Variants in ABCC8 observed in about 807,000 individuals in gnomAD.
ABCC8 encodes ATP binding cassette subfamily C member 8, also known as ATP-binding cassette sub-family C member 8.
A neutral mutation model predicts 188.0 loss-of-function variants in ABCC8; 137 were observed. The ratio of observed to expected loss-of-function variants is 0.73; its 90% CI spans 0.63 to 0.84. The LOEUF is 0.84. ABCC8 is among the 40% of genes least tolerant of loss of function. The pLI is 0.00. For synonymous variants in ABCC8, 797 were observed against 846.5 expected, an observed-to-expected ratio of 0.94 and a Z score of 1.01; for missense variants, 1,750 against 2,072.7, an observed-to-expected ratio of 0.84 and a Z score of 3.02.
Position 17,427,935 on chromosome 11 carries a change from C to G in ABCC8, c.2048G>C (p.Gly683Ala). ...ATCTGGGGTCCACGTGAAGTAGCCT[C>G]CCATGATCTTCATTAGGCGTGTCCC... ...DADNCCVQIM[G>A]GYFTWTPDGI... The change falls in exon 15 of 39, where the codon GGA becomes GCA. Residue 683 changes from glycine to alanine, a missense_variant. Physicochemically the swap from Gly to Ala is moderately conservative, Grantham distance 60. Transcript: ENST00000389817. The surrounding 1 kb of genome is among the most constrained non-coding windows in gnomAD (Gnocchi z 5.0). 1.2e-6 allele frequency: 2 copies of G among 1,613,816 alleles called. No homozygotes were observed. The highest frequency in any genetic ancestry group is 1.7e-6 in the Non-Finnish European group (2 of 1,179,876).
rs11024282 is a variant in ABCC8, at chr11:17,420,752, C to A, written c.2223-3790G>T. Among the ~76,000 whole-genome samples, 144 of 152,258 alleles carry A rather than the reference C, an allele frequency of 9.5e-4. 1 individual carries two copies. Among genetic ancestry groups the A allele is most frequent in the Middle Eastern group, 3.4e-3 (1 of 294 alleles). On this transcript the variant is annotated intron_variant, in intron 16 of 38. Coordinates refer to ENST00000389817, the MANE Select transcript of ABCC8 (RefSeq NM_000352.6). ...TCCTCAGGGCCCTGGTTCCTGCTGACCCCCCGGGGGCATTTAAAGTCACTC... is the reference window on the plus strand; with the variant it reads ...TCCTCAGGGCCCTGGTTCCTGCTGAACCCCCGGGGGCATTTAAAGTCACTC...
At position 17,415,806 on chromosome 11, in the gene ABCC8, G is replaced by C. The variant is rs141212913; in HGVS notation, c.2256-467C>G. ...CTGACACCAGCACCTGCACTCTGGG[G>C]CTGGGAACCCGCAGCCCTGGAGCTG... On this transcript the variant is annotated intron_variant, in intron 17 of 38. Coordinates refer to ENST00000389817, the MANE Select transcript of ABCC8 (RefSeq NM_000352.6). Among the ~76,000 whole-genome samples the C allele has an allele frequency of 3.5e-4, 54 of 152,326 alleles. 1 individual carries two copies. In the East Asian group the frequency reaches 0.01, roughly 28 times the overall value.
chr11:17,432,129 A>C (rs892621590), intron 11 of ABCC8, 75 bp downstream of exon 11: 12 of 1,541,888 alleles, frequency 7.8e-6, no homozygotes, highest in Non-Finnish European at 7.9e-6. Context: ...GAAAGGCCAA[A>C]TCTGGGCAGC....
In ABCC8 at chr11:17,461,623, G is replaced by A. The variant is rs763664861; in HGVS notation, c.782C>T (p.Thr261Ile). 3.1e-6 allele frequency: 5 copies of A among 1,614,236 alleles called. No homozygotes were observed. Among genetic ancestry groups the A allele is most frequent in the Non-Finnish European group, 4.2e-6 (5 of 1,180,044 alleles). ...GKLPIAMRAL[T>I]NYQRLCEAFD... ...GGCCTCGCAGAGCCGTTGGTAGTTG[G>A]TGAGGGCCCTCATGGCGATGGGCAG... The change falls in exon 5 of 39, where the codon ACC (threonine) becomes ATC (isoleucine). Residue 261 changes from threonine to isoleucine, a missense_variant. Thr to Ile is a moderately conservative substitution (Grantham distance 89, BLOSUM62 -1). Coordinates refer to ENST00000389817, the MANE Select transcript of ABCC8 (RefSeq NM_000352.6).
rs748931549 is a variant in ABCC8 at position 17,407,392 on chromosome 11, G to C, written c.2882C>G (p.Ser961Trp). 2 of 1,614,126 alleles carry C rather than the reference G, an allele frequency of 1.2e-6. No homozygotes were observed. The highest frequency in any genetic ancestry group is 1.7e-6 in the Non-Finnish European group (2 of 1,180,042). Residue 961 changes from serine to tryptophan, a missense_variant, in exon 24 of 39, where the codon TCG becomes TGG. Ser to Trp is a radical substitution (Grantham distance 177). Coordinates refer to ENST00000389817, the MANE Select transcript of ABCC8 (RefSeq NM_000352.6). ...CTCATCCTGCAGAAGGCCATCCCTC[G>C]AGGACATGGCACGAGATAGGCCCTG... ...PPQGLSRAMS[S>W]RDGLLQDEEE...
At chr11:17,454,395 G>A (rs893420083) in intron 6 of ABCC8, among the ~76,000 whole-genome samples, 3 of 152,182 alleles carry the variant, frequency 2.0e-5, no homozygotes, top group African/African-American at 7.2e-5. Flanking sequence ...TGCGACAGGG[G>A]TCTGTATCTG....
Position 17,453,034 on chromosome 11 carries a change from G to C in ABCC8, c.1176+85C>G, listed in dbSNP as rs189603359. 2.6e-5 allele frequency: 31 copies of C among 1,209,622 alleles called. No homozygotes were observed. The African/African-American group carries it at 4.5e-4, about 17-fold the overall frequency. 74.9% of individuals were successfully genotyped at this position (1,209,622 alleles called of 1,614,324 possible). A position where few individuals can be genotyped will look rare whatever the true frequency, so the allele number is the denominator to read the frequency against. ...AAATTTACAGCAGAATTATTCTTGA[G>C]TGTCCATGAGGATGAATAACACTCA... On this transcript the variant is annotated intron_variant, in intron 7 of 38. Coordinates refer to ENST00000389817, the MANE Select transcript of ABCC8 (RefSeq NM_000352.6).
chr11:17,457,562 A>T lies in ABCC8; in HGVS notation c.1011+2926T>A, dbSNP rs1351824841. On this transcript the variant is annotated intron_variant, in intron 6 of 38. Coordinates refer to ENST00000389817, the MANE Select transcript of ABCC8 (RefSeq NM_000352.6). Reference sequence around the variant, plus strand: ...AATTCTCTTGTCCTTCAGCCAGATCAGTGGCATCCATGGGAGGTGACAGAT... The same window carrying T: ...AATTCTCTTGTCCTTCAGCCAGATCTGTGGCATCCATGGGAGGTGACAGAT... 2.6e-5 allele frequency among the ~76,000 whole-genome samples: 4 copies of T among 152,204 alleles called. 1 individual carries two copies. The highest frequency in any genetic ancestry group is 4.8e-5 in the African/African-American group (2 of 41,448).
In ABCC8 at chr11:17,428,131, C is replaced by T; in HGVS notation, c.2040+158G>A. On this transcript the variant is annotated intron_variant, in intron 14 of 38. Transcript: ENST00000389817. ...CCCTTGCCTAAGGCTGGGGGTCCCC[C>T]CACTTGGTGGTCCCTGGTTTCTGGA... 8.4e-6 allele frequency: 13 copies of T among 1,556,066 alleles called. No homozygotes were observed. In the South Asian group the frequency reaches 1.4e-4, roughly 17 times the overall value.
chr11:17,395,201 A>C lies in ABCC8; in HGVS notation c.4382T>G (p.Leu1461Arg), dbSNP rs1284843422. The change falls in exon 36 of 39, where the codon CTG (leucine) becomes CGG (arginine). Residue 1461 changes from leucine to arginine, a missense_variant. Leu to Arg is a moderately radical substitution (Grantham distance 102, BLOSUM62 -2). Coordinates refer to ENST00000389817, the MANE Select transcript of ABCC8 (RefSeq NM_000352.6). ...GCCTCCTGGCAGTGCCTTCACCACCAGCTTCAGCTGGGCGATTTCCAGGGC... is the reference window on the plus strand; with the variant it reads ...GCCTCCTGGCAGTGCCTTCACCACCCGCTTCAGCTGGGCGATTTCCAGGGC... The part of the protein sequence containing the change: ...WEALEIAQLK[L>R]VVKALPGGLD... 6.3e-7 allele frequency: 1 copy of C among 1,590,736 alleles called. No individual in the cohort carries two copies. Among genetic ancestry groups the C allele is most frequent in the Non-Finnish European group, 8.6e-7 (1 of 1,166,914 alleles).
At chr11:17,467,923 G>C (rs555228581) in intron 3 of ABCC8, among the ~76,000 whole-genome samples, 20 of 152,382 alleles carry the variant, frequency 1.3e-4, no homozygotes, top group Non-Finnish European at 2.8e-4. Flanking sequence ...GCTTTAAAGA[G>C]AGAACATTAT....
intron 6 of ABCC8, among the ~76,000 whole-genome samples, chr11:17,455,742 A>G (rs1591870412): frequency 6.6e-6 from 1 of 152,086 alleles, no homozygotes; most frequent in South Asian, 2.1e-4. Context: ...GTTTGAGACC[A>G]GCCTGGCCAA....
At chr11:17,469,233 C>T (rs1350432045) in intron 3 of ABCC8, among the ~76,000 whole-genome samples, 3 of 151,964 alleles carry the variant, frequency 2.0e-5, no homozygotes, top group Non-Finnish European at 2.9e-5. Context: ...CTGGGACCAC[C>T]GATGCGTGCC....
intron 4 of ABCC8, among the ~76,000 whole-genome samples, chr11:17,462,395 C>T (rs555319808): frequency 6.6e-5 from 10 of 152,168 alleles, no homozygotes; most frequent in Admixed American, 2.6e-4. Flanking sequence ...AGTCCAAGTT[C>T]GAAAGGGCTG....
chr11:17,437,624 G>A (rs927747190), intron 10 of ABCC8, among the ~76,000 whole-genome samples: 2 of 152,222 alleles, frequency 1.3e-5, no homozygotes, highest in Admixed American at 6.5e-5. Flanking sequence ...TCAGGTTAAT[G>A]GTGTCAGTTG....
chr11:17,416,265 A>G (rs970228823), intron 17 of ABCC8, among the ~76,000 whole-genome samples: 2 of 152,152 alleles, frequency 1.3e-5, no homozygotes, highest in African/African-American at 4.8e-5. Context: ...AGGGGAGGGA[A>G]GGTTTTGAGG....
intron 14 of ABCC8, 139 bp from the exon 15 acceptor site, chr11:17,428,081 T>C: frequency 6.3e-7 from 1 of 1,585,182 alleles, no homozygotes; most frequent in East Asian, 2.3e-5. Context: ...AGCAGGGGAG[T>C]GGGAGACTGG....
In ABCC8 at chr11:17,404,704, T is replaced by G; in HGVS notation, c.3400-35A>C. The G allele has an allele frequency of 6.4e-7, 1 of 1,573,680 alleles. No homozygotes were observed. The highest frequency in any genetic ancestry group is 8.6e-7 in the Non-Finnish European group (1 of 1,160,142). On this transcript the variant is annotated intron_variant, in intron 27 of 38. Transcript: ENST00000389817. This position sits in a 1 kb window ranked among gnomAD's most constrained non-coding sequence, Gnocchi z 4.7. ...ACGAGGGGGAGAGAGTGAGGTGAAT[T>G]TTGGTATTGACTGTGTTTAGAGTGC... is the stretch of plus-strand genomic sequence containing the variant.
intron 23 of ABCC8, 170 bp downstream of exon 23, chr11:17,408,222 G>T: frequency 1.6e-6 from 1 of 634,866 alleles, no homozygotes; most frequent in Non-Finnish European, 2.7e-6. Flanking sequence ...TGGGCACCTG[G>T]CACAGGTACT....
Sources: gnomAD v4.1 joint callset for allele counts (sites outside exome capture counted in the v4.1 genomes callset) on GRCh38, gnomAD v4.1.1 for gene constraint, Gnocchi (gnomAD v3.1) non-coding constraint, MANE v1.5 for transcripts, NCBI Gene and HGNC (gene_info 2026-07-23, HGNC 2026-07-21) for gene names.